The following DGKI variants were observed in gnomAD, a reference collection of about 807,000 sequenced individuals.
DGKI encodes DAG kinase iota.
DGKI carries 55 observed loss-of-function variants against 147.5 expected under a neutral mutation model. The ratio of observed to expected loss-of-function variants is 0.37; its 90% CI spans 0.30 to 0.47. The LOEUF is 0.47. DGKI is among the 20% of genes least tolerant of loss of function. The probability of loss-of-function intolerance (pLI) is 1.00; values close to 1 mark genes in which losing one functional copy is unlikely to be tolerated. For synonymous variants in DGKI, 469 were observed against 477.1 expected (o/e 0.98, Z 0.22); for missense variants, 1,007 against 1,323.8 (o/e 0.76, Z 3.71).
intron 20 of DGKI, among the ~76,000 whole-genome samples, chr7:137,539,382 T>G (rs1222376113): frequency 1.3e-5 from 2 of 152,020 alleles, no homozygotes; most frequent in Non-Finnish European, 2.9e-5. Flanking sequence ...AGGAAGGAAC[T>G]CAGAAAACAA....
At chr7:137,622,602 T>C (rs768496937) in intron 7 of DGKI, among the ~76,000 whole-genome samples, 2 of 151,940 alleles carry the variant, frequency 1.3e-5, no homozygotes, top group African/African-American at 2.4e-5. Flanking sequence ...AATACATAAA[T>C]GAAAAAAAAC....
At chr7:137,692,056 A>G (rs1823633101) in intron 1 of DGKI, among the ~76,000 whole-genome samples, 2 of 152,094 alleles carry the variant, frequency 1.3e-5, no homozygotes, top group South Asian at 2.1e-4. Context: ...TAGCAACATC[A>G]ATTTTGGCCC....
chr7:137,391,463 G>A (rs371221995), intron 32 of DGKI, 127 bp from the exon 33 acceptor site: 1 of 636,430 alleles, frequency 1.6e-6, no homozygotes, highest in South Asian at 2.0e-5. Flanking sequence ...AAGGATACCT[G>A]CTAGTAAGGA....
intron 19 of DGKI, among the ~76,000 whole-genome samples, chr7:137,552,918 G>GA (rs1051169536): frequency 1.3e-5 from 2 of 151,200 alleles, no homozygotes; most frequent in African/African-American, 2.4e-5. Context: ...CCATCTCAAA[G>GA]AAAAAAAAGG....
Position 137,665,076 on chromosome 7 carries a change from A to G in DGKI, c.607-8536T>C, listed in dbSNP as rs541154240. 3.9e-5 allele frequency among the ~76,000 whole-genome samples: 6 copies of G among 152,322 alleles called. No homozygotes were observed. The East Asian group carries it at 1.2e-3, about 29-fold the overall frequency. ...GGATGCTAAGGAGTGGCTGGGGGCC[A>G]GTGTTGGGGAGTAGAGATGAGGTCA... is the stretch of plus-strand genomic sequence containing the variant. On this transcript the variant is annotated intron_variant, in intron 3 of 32. Coordinates refer to ENST00000614521, the MANE Select transcript of DGKI (RefSeq NM_001321708.2).
intron 23 of DGKI, among the ~76,000 whole-genome samples, chr7:137,472,118 TAA>T (rs1331434440): frequency 5.3e-5 from 6 of 113,808 alleles, no homozygotes; most frequent in South Asian, 2.5e-4. Context: ...TATATACATA[TAA>T]ATATATATAC....
chr7:137,657,858 G>A (rs1047453474), intron 3 of DGKI, among the ~76,000 whole-genome samples: 1 of 152,196 alleles, frequency 6.6e-6, no homozygotes, highest in Non-Finnish European at 1.5e-5. Context: ...AGAAAATGCA[G>A]CCTCATAGGT....
chr7:137,825,195 G>A (rs1273543464), intron 1 of DGKI, among the ~76,000 whole-genome samples: 1 of 151,912 alleles, frequency 6.6e-6, no homozygotes, highest in Non-Finnish European at 1.5e-5. Context: ...ATATTACTTT[G>A]GTTAAATAAA....
At chr7:137,547,675 C>T (rs1340506542) in intron 20 of DGKI, among the ~76,000 whole-genome samples, 2 of 152,258 alleles carry the variant, frequency 1.3e-5, no homozygotes, top group East Asian at 1.9e-4. Context: ...ATGACAGACA[C>T]TGAGGATCCT....
intron 1 of DGKI, among the ~76,000 whole-genome samples, chr7:137,699,357 G>A (rs903223843): frequency 3.3e-5 from 5 of 152,112 alleles, no homozygotes; most frequent in African/African-American, 1.2e-4. Context: ...TAAAGAGCAT[G>A]TTAAGAACAC....
chr7:137,487,032 G>A (rs1241769913), intron 22 of DGKI, among the ~76,000 whole-genome samples: 1 of 151,940 alleles, frequency 6.6e-6, no homozygotes, highest in Non-Finnish European at 1.5e-5. Context: ...GATGAGTTTG[G>A]GTCTCCTGGC....
rs558562208 is a variant in DGKI at position 137,798,808 on chromosome 7, A to G, written c.401+47654T>C. Among the ~76,000 whole-genome samples, 3 of 152,320 alleles carry G rather than the reference A, an allele frequency of 2.0e-5. No individual in the cohort carries two copies. The East Asian group carries it at 5.8e-4, about 29-fold the overall frequency. On this transcript the variant is annotated intron_variant, in intron 1 of 32. Transcript: ENST00000614521. ...ATAAAAAGGATTATACCTATGATCA[A>G]GGAGATTTTACCCTAGGAGTGCAAG...
intron 7 of DGKI, among the ~76,000 whole-genome samples, chr7:137,623,247 C>T (rs1373663914): frequency 1.3e-5 from 2 of 152,172 alleles, no homozygotes; most frequent in Non-Finnish European, 2.9e-5. Context: ...TCTTTGACCC[C>T]AAGCTTTAAT....
chr7:137,649,205 G>A (rs1363786873), intron 5 of DGKI, among the ~76,000 whole-genome samples: 2 of 152,076 alleles, frequency 1.3e-5, no homozygotes, highest in Non-Finnish European at 2.9e-5. Context: ...ATGGAGGAGG[G>A]GAGGATCATC....
chr7:137,636,116 A>G (rs1291806380), intron 6 of DGKI, among the ~76,000 whole-genome samples: 1 of 152,210 alleles, frequency 6.6e-6, no homozygotes, highest in African/African-American at 2.4e-5. Flanking sequence ...ACATCTGGTA[A>G]CCAGGAAATC....
intron 1 of DGKI, among the ~76,000 whole-genome samples, chr7:137,812,401 G>A (rs1379229601): frequency 1.3e-5 from 2 of 152,118 alleles, no homozygotes; most frequent in South Asian, 2.1e-4. Flanking sequence ...AAGACGGGAG[G>A]CATTTAACTG....
chr7:137,657,601 T>C (rs1822272339), intron 3 of DGKI, among the ~76,000 whole-genome samples: 1 of 152,152 alleles, frequency 6.6e-6, no homozygotes, highest in Admixed American at 6.6e-5. Flanking sequence ...TGTTTGAGCC[T>C]GAAAGAAATG....
chr7:137,789,813 G>A (rs576375502), intron 1 of DGKI, among the ~76,000 whole-genome samples: 163 of 152,252 alleles, frequency 1.1e-3, no homozygotes, highest in African/African-American at 2.5e-3. Context: ...ATACAAGTAA[G>A]AGAACCTCCT....
rs947968306 is a variant in DGKI, at chr7:137,385,220, T to C, written c.*6000A>G. 1 of 152,094 alleles carries C rather than the reference T, an allele frequency of 6.6e-6. No homozygotes were observed. Among genetic ancestry groups the C allele is most frequent in the Admixed American group, 6.6e-5 (1 of 15,248 alleles). 9.4% of individuals were successfully genotyped at this position (152,094 alleles called of 1,614,324 possible). ...ATTACACCTTTTAGTATGTTTTCTT[T>C]TGACTAGCTCTTAAATTCATGCTTA... On this transcript the variant is annotated 3_prime_UTR_variant, in exon 33 of 33. Transcript: ENST00000614521.
Sources: allele counts gnomAD v4.1 joint callset (sites outside exome capture counted in the v4.1 genomes callset), GRCh38; gene constraint gnomAD v4.1.1; transcripts MANE v1.5; gene names NCBI Gene and HGNC (gene_info 2026-07-23, HGNC 2026-07-21).